Variants in NRXN1 observed in about 807,000 individuals in gnomAD.
NRXN1 encodes neurexin 1.
Under a neutral mutation model 150.9 loss-of-function variants are expected in NRXN1, and 39 were observed. The observed-to-expected ratio is 0.26, with a 90% CI of 0.20 to 0.34. NRXN1 has a LOEUF of 0.34. NRXN1 is among the 10% of genes least tolerant of loss of function. NRXN1 has a pLI of 1.00. For missense variants in NRXN1, 1,815 were observed against 1,949.9 expected (o/e 0.93, Z 1.30); for synonymous variants, 924 against 757.0 (o/e 1.22, Z -3.62).
At chr2:50,004,689 A>C (rs1171862178) in intron 21 of NRXN1, among the ~76,000 whole-genome samples, 2 of 152,162 alleles carry the variant, frequency 1.3e-5, no homozygotes, top group Admixed American at 1.3e-4. Flanking sequence ...AGGCCGAATT[A>C]ATACACACTA....
At chr2:50,751,968 A>G (rs1366543636) in intron 5 of NRXN1, among the ~76,000 whole-genome samples, 1 of 151,900 alleles carries the variant, frequency 6.6e-6, no homozygotes, top group Admixed American at 6.6e-5. Flanking sequence ...GGAAAGAGTT[A>G]TTGGATTGAG....
At chr2:50,808,614 T>C (rs1254283513) in intron 5 of NRXN1, among the ~76,000 whole-genome samples, 1 of 152,086 alleles carries the variant, frequency 6.6e-6, no homozygotes, top group African/African-American at 2.4e-5. Context: ...ACTAGAGCAA[T>C]TGAGGGCCCA....
intron 21 of NRXN1, among the ~76,000 whole-genome samples, chr2:49,989,510 G>A (rs1681547031): frequency 6.6e-6 from 1 of 152,112 alleles, no homozygotes; most frequent in Non-Finnish European, 1.5e-5. Context: ...ACCTTTACTT[G>A]AACAAGTGAG....
intron 17 of NRXN1, among the ~76,000 whole-genome samples, chr2:50,246,784 C>T (rs2152892926): frequency 6.6e-6 from 1 of 152,146 alleles, no homozygotes; most frequent in Non-Finnish European, 1.5e-5. Flanking sequence ...AAGGTTAATT[C>T]TCGCCTTTCA....
At chr2:51,001,468 T>A (rs1027980525) in intron 2 of NRXN1, among the ~76,000 whole-genome samples, 1 of 151,878 alleles carries the variant, frequency 6.6e-6, no homozygotes, top group Non-Finnish European at 1.5e-5. Flanking sequence ...AAAAAAAAGA[T>A]CCACACATTT....
At chr2:50,963,667 A>G (rs994421227) in intron 2 of NRXN1, among the ~76,000 whole-genome samples, 5 of 151,672 alleles carry the variant, frequency 3.3e-5, no homozygotes, top group African/African-American at 1.2e-4. Flanking sequence ...ATACATGTTT[A>G]AGCAAGATAC....
At chr2:50,922,884 T>C (rs1686271831) in intron 3 of NRXN1, among the ~76,000 whole-genome samples, 197 bp from the exon 4 acceptor site, 1 of 151,864 alleles carries the variant, frequency 6.6e-6, no homozygotes, top group South Asian at 2.1e-4. Context: ...AACTGCGTTT[T>C]AAACACTGGC....
At chr2:50,537,749 G>C (rs757151426) in intron 10 of NRXN1, among the ~76,000 whole-genome samples, 4 of 152,194 alleles carry the variant, frequency 2.6e-5, no homozygotes, top group Non-Finnish European at 5.9e-5. Context: ...TTACTTTTCA[G>C]AGAGGATATT....
intron 12 of NRXN1, among the ~76,000 whole-genome samples, chr2:50,525,891 A>G (rs1287786480): frequency 6.6e-6 from 1 of 152,210 alleles, no homozygotes; most frequent in Non-Finnish European, 1.5e-5. Flanking sequence ...AGGAAATTTT[A>G]ACAAAGGGCT....
chr2:50,910,167 A>G (rs1314021356), intron 5 of NRXN1, among the ~76,000 whole-genome samples: 2 of 152,000 alleles, frequency 1.3e-5, no homozygotes, highest in East Asian at 3.9e-4. Context: ...AAATATGTAT[A>G]CAAAGGATAA....
At chr2:50,279,918 T>C (rs2071178499) in intron 17 of NRXN1, among the ~76,000 whole-genome samples, 1 of 152,210 alleles carries the variant, frequency 6.6e-6, no homozygotes, top group South Asian at 2.1e-4. Context: ...GAATTTTAAA[T>C]GTGAATTTGT....
intron 18 of NRXN1, among the ~76,000 whole-genome samples, chr2:50,121,096 C>G (rs141580360): frequency 0.012 from 1,789 of 152,338 alleles, 21 homozygotes; most frequent in Non-Finnish European, 0.019. Flanking sequence ...ACGATGTCAG[C>G]TGACTGCAAC....
chr2:50,957,917 T>C (rs1218786136), intron 2 of NRXN1, among the ~76,000 whole-genome samples: 1 of 152,176 alleles, frequency 6.6e-6, no homozygotes. Context: ...GAGAATATTT[T>C]AGAAATGAAA....
At chr2:50,778,088 A>G (rs934624499) in intron 5 of NRXN1, among the ~76,000 whole-genome samples, 6 of 152,048 alleles carry the variant, frequency 3.9e-5, no homozygotes, top group Non-Finnish European at 7.4e-5. Context: ...TTTACACTTG[A>G]TCAGCTTCAG....
At chr2:50,997,322 T>C (rs1451836691) in intron 2 of NRXN1, among the ~76,000 whole-genome samples, 1 of 151,868 alleles carries the variant, frequency 6.6e-6, no homozygotes, top group Non-Finnish European at 1.5e-5. Flanking sequence ...TAGTCCCAGC[T>C]GCCATTGCAC....
At chr2:50,659,590 T>C (rs1687000597) in intron 5 of NRXN1, among the ~76,000 whole-genome samples, 1 of 151,918 alleles carries the variant, frequency 6.6e-6, no homozygotes, top group Non-Finnish European at 1.5e-5. Context: ...TTCTTTACAT[T>C]TAGAAACCAA....
At chr2:50,184,671 A>G (rs1401689230) in intron 18 of NRXN1, among the ~76,000 whole-genome samples, 4 of 151,730 alleles carry the variant, frequency 2.6e-5, no homozygotes, top group Non-Finnish European at 5.9e-5. Context: ...CTCTCATTTC[A>G]TTTGAGCCTC....
At chr2:50,693,240 T>C (rs1692321356) in intron 5 of NRXN1, among the ~76,000 whole-genome samples, 1 of 151,922 alleles carries the variant, frequency 6.6e-6, no homozygotes, top group Admixed American at 6.6e-5. Flanking sequence ...TTTGGTAGAG[T>C]AATTAACAGA....
intron 17 of NRXN1, among the ~76,000 whole-genome samples, chr2:50,461,433 C>T (rs1003866233): frequency 1.9e-4 from 29 of 152,056 alleles, no homozygotes; most frequent in African/African-American, 4.8e-4. Flanking sequence ...TTATTATGTT[C>T]GCTATTTTGC....
Sources: allele counts gnomAD v4.1 joint callset (sites outside exome capture counted in the v4.1 genomes callset), GRCh38; gene constraint gnomAD v4.1.1; transcripts MANE v1.5; gene names NCBI Gene and HGNC (gene_info 2026-07-23, HGNC 2026-07-21).